Variants in WWP1 observed in about 807,000 individuals in gnomAD.
WWP1 encodes NEDD4-like E3 ubiquitin-protein ligase WWP1.
In WWP1, 49 loss-of-function variants were observed where a neutral mutation model predicts 130.6. The observed-to-expected ratio is 0.38, with a 90% CI of 0.30 to 0.48. The LOEUF (loss-of-function observed/expected upper bound fraction) is 0.48. Ranked by LOEUF, WWP1 falls within the 20% of genes least tolerant of loss-of-function variation. WWP1 has a pLI of 0.99. For missense variants in WWP1, 809 were observed against 1,100.6 expected, an observed-to-expected ratio of 0.74 and a Z score of 3.75; for synonymous variants, 332 against 367.8, an observed-to-expected ratio of 0.90 and a Z score of 1.11.
rs183274810 is a variant in WWP1, at chr8:86,457,659, G to C, written c.2395-262G>C. Among the ~76,000 whole-genome samples the C allele has an allele frequency of 2.9e-4, 44 of 152,186 alleles. No individual in the cohort carries two copies. In the Middle Eastern group the frequency reaches 0.01, roughly 36 times the overall value. ...TACGGTAAAGGATACATGCTTTTCA[G>C]TATAGCTGTTTTTCTTGAAGAATAC... On this transcript the variant is annotated intron_variant, in intron 21 of 24. Coordinates refer to ENST00000517970, the MANE Select transcript of WWP1 (RefSeq NM_007013.4).
intron 10 of WWP1, among the ~76,000 whole-genome samples, chr8:86,426,799 A>G (rs1457852186): frequency 1.3e-5 from 2 of 152,222 alleles, no homozygotes; most frequent in African/African-American, 4.8e-5. Flanking sequence ...CATTCTGAAC[A>G]TGGGCATTGG....
At position 86,353,442 on chromosome 8, in the gene WWP1, T is replaced by A. The variant is rs141463921; in HGVS notation, c.-115+10512T>A. On this transcript the variant is annotated intron_variant, in intron 1 of 24. Transcript: ENST00000517970. ...TGCCAAACCCATGATTTATTTTTTCTCAATTTGAGTAGAAAGGATTAGTTT... is the reference window on the plus strand; with the variant it reads ...TGCCAAACCCATGATTTATTTTTTCACAATTTGAGTAGAAAGGATTAGTTT... 3.8e-3 allele frequency among the ~76,000 whole-genome samples: 576 copies of A among 152,216 alleles called. 1 individual carries two copies. The highest frequency in any genetic ancestry group is 0.013 in the African/African-American group (531 of 41,558).
At chr8:86,389,751 A>G (rs1361051161) in intron 5 of WWP1, among the ~76,000 whole-genome samples, 1 of 116,016 alleles carries the variant, frequency 8.6e-6, no homozygotes, top group African/African-American at 3.3e-5. Context: ...GCGCCCCCCC[A>G]CCCACCTCCC....
intron 1 of WWP1, among the ~76,000 whole-genome samples, chr8:86,363,524 G>A (rs753365556): frequency 5.9e-5 from 9 of 151,874 alleles, no homozygotes; most frequent in Non-Finnish European, 1.0e-4. Context: ...TCTATGGGCC[G>A]AGCATGGTGG....
chr8:86,398,913 G>A (rs1252230588), intron 7 of WWP1, among the ~76,000 whole-genome samples: 1 of 152,078 alleles, frequency 6.6e-6, no homozygotes, highest in Non-Finnish European at 1.5e-5. Flanking sequence ...TCTACTGTCT[G>A]ATTTCAGAAT....
At chr8:86,388,085 G>A (rs550771990) in intron 5 of WWP1, among the ~76,000 whole-genome samples, 11 of 151,100 alleles carry the variant, frequency 7.3e-5, no homozygotes, top group African/African-American at 1.9e-4. Context: ...ATACATGGCC[G>A]CTGGCTACTG....
chr8:86,346,575 C>T (rs17681534), intron 1 of WWP1, among the ~76,000 whole-genome samples: 22,375 of 152,098 alleles, frequency 0.15, 1,795 homozygotes, highest in Non-Finnish European at 0.19. Flanking sequence ...CTAGCTAGTA[C>T]GGTTAAAGTG....
intron 8 of WWP1, among the ~76,000 whole-genome samples, chr8:86,406,209 A>C (rs1808271135): frequency 6.6e-6 from 1 of 152,344 alleles, no homozygotes; most frequent in African/African-American, 2.4e-5. Context: ...AAATTTATGA[A>C]AAGAGGATAA....
intron 1 of WWP1, among the ~76,000 whole-genome samples, chr8:86,348,097 T>G (rs923142863): frequency 2.6e-5 from 4 of 152,208 alleles, no homozygotes; most frequent in Admixed American, 6.5e-5. Flanking sequence ...TTTAAACAAC[T>G]TTTTTAGGGA....
rs762682134 is a variant in WWP1, at chr8:86,430,755, A to G, written c.1387+4A>G. 177 of 1,541,148 alleles carry G rather than the reference A, an allele frequency of 1.1e-4. No homozygotes were observed. The highest frequency in any genetic ancestry group is 1.5e-4 in the Non-Finnish European group (169 of 1,141,240). On this transcript the variant is annotated splice_donor_region_variant and intron_variant, in intron 12 of 24. Transcript: ENST00000517970. The stretch of plus-strand genomic sequence containing the variant: ...GGACCTTTGCCACCAGGCTGGGGTA[A>G]GCTGTTTTTGCTAATGATCTATAAG...
In WWP1 at chr8:86,448,394, T is replaced by C. The variant is rs755354517; in HGVS notation, c.2154T>C (p.Cys718=). The C allele has an allele frequency of 6.2e-7, 1 of 1,613,438 alleles. No homozygotes were observed. Among genetic ancestry groups the C allele is most frequent in the Non-Finnish European group, 8.5e-7 (1 of 1,179,810 alleles). The change falls in exon 20 of 25, where the codon TGT becomes TGC. Residue 718 remains cysteine (C), a synonymous_variant. Transcript: ENST00000517970. ...IWIRDNNIEE[C]GLEMYFSVDM... ...CCAGAGATAACAACATTGAAGAATG[T>C]GGCTTAGAAATGTACTTTTCTGTTG... is the stretch of plus-strand genomic sequence containing the variant.
intron 23 of WWP1, 183 bp downstream of exon 23, chr8:86,461,503 C>T: frequency 3.1e-6 from 2 of 636,208 alleles, no homozygotes; most frequent in Non-Finnish European, 5.5e-6. Context: ...ATGAATGTGT[C>T]CTCATATAGC....
intron 5 of WWP1, among the ~76,000 whole-genome samples, chr8:86,395,419 AAG>A (rs1807603917): frequency 1.3e-5 from 2 of 151,702 alleles, no homozygotes; most frequent in African/African-American, 4.8e-5. Flanking sequence ...GATATATTTT[AAG>A]AGAGAATGGC....
intron 3 of WWP1, among the ~76,000 whole-genome samples, chr8:86,379,583 A>G (rs913578764): frequency 6.6e-6 from 1 of 151,974 alleles, no homozygotes; most frequent in East Asian, 1.9e-4. Context: ...GTTCATCAGT[A>G]TTTTGCCCAG....
rs1432636663 is a variant in WWP1 at position 86,442,758 on chromosome 8, A to G, written c.1978A>G (p.Ile660Val). The G allele has an allele frequency of 1.9e-6, 3 of 1,608,336 alleles. No individual in the cohort carries two copies. The highest frequency in any genetic ancestry group is 1.1e-5 in the South Asian group (1 of 89,150). Residue 660 changes from isoleucine to valine, a missense_variant, in exon 18 of 25, where the codon ATT (isoleucine) becomes GTT (valine). Transcript: ENST00000517970. ...AGACCATCTTTCATACTTCTGTTTC[A>G]TTGGTCGTTTTATTGCCATGGTGAG... is the stretch of plus-strand genomic sequence containing the variant. ...NPDHLSYFCF[I>V]GRFIAMALFH...
intron 9 of WWP1, among the ~76,000 whole-genome samples, chr8:86,424,455 G>C (rs991250124): frequency 6.6e-6 from 1 of 152,036 alleles, no homozygotes; most frequent in Non-Finnish European, 1.5e-5. Context: ...AAGGCAGGCG[G>C]CTGGGAGGTG....
intron 1 of WWP1, among the ~76,000 whole-genome samples, chr8:86,346,480 T>C (rs972765367): frequency 2.0e-5 from 3 of 152,192 alleles, no homozygotes; most frequent in African/African-American, 7.2e-5. Context: ...TTCTTTTCTT[T>C]CAGGAAGCCT....
At chr8:86,452,833 G>C (rs1180936697) in intron 21 of WWP1, among the ~76,000 whole-genome samples, 154 bp downstream of exon 21, 1 of 152,070 alleles carries the variant, frequency 6.6e-6, no homozygotes, top group African/African-American at 2.4e-5. Flanking sequence ...ATTTATTCTA[G>C]CATTGGGTAA....
chr8:86,379,264 G>A (rs1824848872), intron 3 of WWP1, among the ~76,000 whole-genome samples: 1 of 152,178 alleles, frequency 6.6e-6, no homozygotes, highest in Non-Finnish European at 1.5e-5. Flanking sequence ...GTTTTGCTAA[G>A]ACCCTGGTAG....
Sources: gnomAD v4.1 joint callset for allele counts (sites outside exome capture counted in the v4.1 genomes callset) on GRCh38, gnomAD v4.1.1 for gene constraint, MANE v1.5 for transcripts, NCBI Gene and HGNC (gene_info 2026-07-23, HGNC 2026-07-21) for gene names.